Variants in CERS6 observed in about 807,000 individuals in gnomAD.
CERS6 encodes the protein LAG1 homolog, ceramide synthase 6.
CERS6 carries 26 observed loss-of-function variants against 56.8 expected under a neutral mutation model. The ratio of observed to expected loss-of-function variants is 0.46; its 90% CI spans 0.34 to 0.63. The LOEUF (loss-of-function observed/expected upper bound fraction) is 0.63. Ranked by LOEUF, CERS6 falls within the 30% of genes least tolerant of loss-of-function variation. The pLI is 0.01. For synonymous variants in CERS6, 164 were observed against 173.3 expected (o/e 0.95, Z 0.42); for missense variants, 415 against 467.5 (o/e 0.89, Z 1.04).
At chr2:168,620,008 AATCC>A (rs1381813075) in intron 3 of CERS6, among the ~76,000 whole-genome samples, 22 of 90,480 alleles carry the variant, frequency 2.4e-4, no homozygotes, top group East Asian at 8.1e-4. Context: ...CTGGTTCCAC[AATCC>A]ATACACACAC....
At chr2:168,699,699 C>T (rs1164899140) in intron 6 of CERS6, among the ~76,000 whole-genome samples, 1 of 152,052 alleles carries the variant, frequency 6.6e-6, no homozygotes, top group African/African-American at 2.4e-5. Context: ...CACTTGTAAT[C>T]ATTTCCAGAG....
In CERS6 at chr2:168,667,286, G is replaced by A. The variant is rs368233047; in HGVS notation, c.466-23748G>A. ...GTCAGTTTCTTGCACAGGCGAGGGTGAACAAGTAGCACAGCATCTCAGTTC... is the reference window on the plus strand; with the variant it reads ...GTCAGTTTCTTGCACAGGCGAGGGTAAACAAGTAGCACAGCATCTCAGTTC... On this transcript the variant is annotated intron_variant, in intron 4 of 9. Transcript: ENST00000305747. 2.6e-5 allele frequency among the ~76,000 whole-genome samples: 4 copies of A among 152,322 alleles called. No homozygotes were observed. The East Asian group carries it at 7.7e-4, about 29-fold the overall frequency.
At chr2:168,760,362 G>A (rs536205580) in intron 8 of CERS6, among the ~76,000 whole-genome samples, 8 of 152,166 alleles carry the variant, frequency 5.3e-5, no homozygotes, top group Non-Finnish European at 1.0e-4. Flanking sequence ...CCAGTCTCGC[G>A]TTTCCCATGT....
intron 7 of CERS6, 24 bp from the exon 8 acceptor site, chr2:168,717,843 TTAATA>T (rs1453890332): frequency 6.5e-7 from 1 of 1,530,652 alleles, no homozygotes; most frequent in East Asian, 2.3e-5. Flanking sequence ...TTTAACTACA[TTAATA>T]TATCACATTC....
At chr2:168,694,407 C>T (rs1686587261) in intron 5 of CERS6, among the ~76,000 whole-genome samples, 1 of 152,118 alleles carries the variant, frequency 6.6e-6, no homozygotes, top group South Asian at 2.1e-4. Flanking sequence ...CTCCTGGCAG[C>T]CTTCCTGTCC....
chr2:168,634,156 C>T (rs909579700), intron 4 of CERS6, among the ~76,000 whole-genome samples: 3 of 152,160 alleles, frequency 2.0e-5, no homozygotes, highest in African/African-American at 4.8e-5. Context: ...AGTAAAGTTA[C>T]TGCTGTGTTG....
chr2:168,494,998 C>T (rs1003305103), intron 1 of CERS6, among the ~76,000 whole-genome samples: 1 of 152,122 alleles, frequency 6.6e-6, no homozygotes, highest in African/African-American at 2.4e-5. Flanking sequence ...TAGGGTCATT[C>T]TGAGGGTATG....
At chr2:168,746,818 T>TATAA (rs1274835551) in intron 8 of CERS6, among the ~76,000 whole-genome samples, 2 of 95,826 alleles carry the variant, frequency 2.1e-5, no homozygotes, top group East Asian at 3.2e-4. Flanking sequence ...TATATATATA[T>TATAA]ATAAAATCAT....
chr2:168,513,668 G>A (rs2105351947), intron 1 of CERS6, among the ~76,000 whole-genome samples: 1 of 152,308 alleles, frequency 6.6e-6, no homozygotes, highest in East Asian at 1.9e-4. Flanking sequence ...TGCAGTGTTT[G>A]CCAGGTTTCT....
chr2:168,746,804 T>C (rs934857178), intron 8 of CERS6, among the ~76,000 whole-genome samples: 1 of 111,954 alleles, frequency 8.9e-6, no homozygotes, highest in African/African-American at 3.7e-5. Context: ...TATATATATA[T>C]ATATATATAT....
intron 3 of CERS6, among the ~76,000 whole-genome samples, chr2:168,630,037 C>T (rs558525405): frequency 1.3e-5 from 2 of 152,140 alleles, no homozygotes; most frequent in East Asian, 1.9e-4. Context: ...AGGATGATCT[C>T]GATCTCCTGA....
intron 3 of CERS6, among the ~76,000 whole-genome samples, chr2:168,610,362 G>T (rs1005926932): frequency 3.3e-5 from 5 of 152,156 alleles, no homozygotes; most frequent in African/African-American, 1.2e-4. Context: ...AGATTAGCTT[G>T]TCAGCCCCTT....
At chr2:168,644,019 G>A in intron 4 of CERS6, 9 of 860,674 alleles carry the variant, frequency 1.0e-5, no homozygotes, top group Non-Finnish European at 1.3e-5. Context: ...AGAGGGAAAT[G>A]CCATTTTGTT....
intron 1 of CERS6, among the ~76,000 whole-genome samples, chr2:168,487,763 C>A (rs1298288158): frequency 6.6e-6 from 1 of 152,106 alleles, no homozygotes; most frequent in South Asian, 2.1e-4. Context: ...ATTCTGTCAC[C>A]TAGGCTGGAG....
chr2:168,631,617 A>C (rs1202100649), intron 4 of CERS6, among the ~76,000 whole-genome samples: 6 of 116,390 alleles, frequency 5.2e-5, no homozygotes, highest in African/African-American at 2.1e-4. Context: ...AATATATTTA[A>C]TATTTATATA....
At chr2:168,725,176 C>T (rs577177169) in intron 8 of CERS6, among the ~76,000 whole-genome samples, 2 of 152,368 alleles carry the variant, frequency 1.3e-5, no homozygotes, top group East Asian at 1.9e-4. Context: ...CCGGCAGGGC[C>T]GGCCGGCTGC....
intron 3 of CERS6, among the ~76,000 whole-genome samples, chr2:168,566,059 G>A (rs1695878325): frequency 6.6e-6 from 1 of 152,178 alleles, no homozygotes; most frequent in Non-Finnish European, 1.5e-5. Context: ...AACAGAAGAA[G>A]CAGAGATAAG....
chr2:168,590,417 A>G (rs1196890843), intron 3 of CERS6, among the ~76,000 whole-genome samples: 2 of 152,338 alleles, frequency 1.3e-5, no homozygotes, highest in African/African-American at 2.4e-5. Flanking sequence ...ACACGTATGT[A>G]TGTATGTATT....
chr2:168,632,575 T>C lies in CERS6; in HGVS notation c.465+1533T>C, dbSNP rs185524682. ...TGAGTTTTACTCTGTGGGGTTTCTG[T>C]GTATGAAGAAATTCTCAACTGGAGT... On this transcript the variant is annotated intron_variant, in intron 4 of 9. Transcript: ENST00000305747. 5.4e-3 allele frequency among the ~76,000 whole-genome samples: 819 copies of C among 152,324 alleles called. 6 individuals are homozygous for C. Among genetic ancestry groups the C allele is most frequent in the Non-Finnish European group, 7.0e-3 (476 of 68,026 alleles).
Sources: allele counts gnomAD v4.1 joint callset (sites outside exome capture counted in the v4.1 genomes callset), GRCh38; gene constraint gnomAD v4.1.1; transcripts MANE v1.5; gene names NCBI Gene and HGNC (gene_info 2026-07-23, HGNC 2026-07-21).